Variants in SLC16A14 observed in about 807,000 individuals in gnomAD.
SLC16A14 encodes the protein monocarboxylate transporter 14.
In SLC16A14, 14 loss-of-function variants were observed where a neutral mutation model predicts 35.8. That is an observed-to-expected ratio of 0.39 (90% CI 0.26 to 0.61). The LOEUF is 0.61. Among genes scored for constraint, SLC16A14 ranks in the 20% least tolerant of loss-of-function variants. The pLI is 0.51. For missense variants in SLC16A14, 533 were observed against 655.0 expected (o/e 0.81, Z 2.03); for synonymous variants, 248 against 258.9 (o/e 0.96, Z 0.40).
intron 3 of SLC16A14, among the ~76,000 whole-genome samples, chr2:230,049,236 A>ATTTTTTTT (rs11420320): frequency 2.8e-5 from 4 of 141,538 alleles, no homozygotes; most frequent in Non-Finnish European, 3.0e-5. Context: ...CACTTGGCTA[A>ATTTTTTTT]TTTTTTTTTT....
At chr2:230,060,965 GGTT>G (rs1035009644) in intron 1 of SLC16A14, among the ~76,000 whole-genome samples, 1 of 152,146 alleles carries the variant, frequency 6.6e-6, no homozygotes, top group Non-Finnish European at 1.5e-5. Flanking sequence ...GGAGGGCAGA[GGTT>G]GTGTAGGAGA....
chr2:230,062,353 T>G (rs925407046), intron 1 of SLC16A14, among the ~76,000 whole-genome samples: 4 of 149,554 alleles, frequency 2.7e-5, no homozygotes, highest in African/African-American at 7.3e-5. Flanking sequence ...TTTACCTTTT[T>G]TTTTTTTTTT....
chr2:230,037,308 A>G lies in SLC16A14; in HGVS notation c.*72T>C. 2.1e-6 allele frequency: 3 copies of G among 1,419,560 alleles called. No homozygotes were observed. Among genetic ancestry groups the G allele is most frequent in the Non-Finnish European group, 2.8e-6 (3 of 1,059,966 alleles). 87.9% of individuals were successfully genotyped at this position (1,419,560 alleles called of 1,614,324 possible). A position where few individuals can be genotyped will look rare whatever the true frequency, so the allele number is the denominator to read the frequency against. ...AAAATGCTTTCCCACGTCCTGTCAT[A>G]GGTGCCTCACAGCAACCATGCGAGG... is the stretch of plus-strand genomic sequence containing the variant. On this transcript the variant is annotated 3_prime_UTR_variant, in exon 5 of 5. Coordinates refer to ENST00000295190, the MANE Select transcript of SLC16A14 (RefSeq NM_152527.5).
Position 230,046,502 on chromosome 2 carries a change from G to C in SLC16A14, c.624C>G (p.Leu208=), listed in dbSNP as rs2077608594. Residue 208 remains leucine, a synonymous_variant, in exon 4 of 5, where the codon CTC becomes CTG. Coordinates refer to ENST00000295190, the MANE Select transcript of SLC16A14 (RefSeq NM_152527.5). The surrounding 1 kb of genome is among the most constrained non-coding windows in gnomAD (Gnocchi z 5.0). ...TTTTACCAGGAGAGAGGGGCCTCAT[G>C]AGCGCCCCACAAACACACAGGTTTA... ...VSLNLCVCGA[L]MRPLSPGKNP... The C allele has an allele frequency of 6.2e-7, 1 of 1,614,020 alleles. No individual in the cohort carries two copies. The highest frequency in any genetic ancestry group is 1.1e-5 in the South Asian group (1 of 91,066).
chr2:230,066,873 C>T (rs1244426750), intron 1 of SLC16A14: 5 of 235,652 alleles, frequency 2.1e-5, no homozygotes, highest in Non-Finnish European at 8.6e-6. Context: ...ATGATCCACC[C>T]GCCTCGGCCT....
intron 3 of SLC16A14, among the ~76,000 whole-genome samples, chr2:230,049,467 T>G (rs895054941): frequency 3.3e-5 from 5 of 152,198 alleles, no homozygotes; most frequent in Non-Finnish European, 7.4e-5. Context: ...TGCCTTCCTT[T>G]TCCTATTCCT....
rs1459681609 is a variant in SLC16A14 at position 230,068,473 on chromosome 2, G to C, written c.-15+82C>G. On this transcript the variant is annotated intron_variant, in intron 1 of 4. Transcript: ENST00000295190. This position sits in a 1 kb window ranked among gnomAD's most constrained non-coding sequence, Gnocchi z 5.1. ...TCCCGGGGGTCCCTGGGGGTGCAGCGGCCATCTGAAACCTAGGCTCCGATG... is the reference window on the plus strand; with the variant it reads ...TCCCGGGGGTCCCTGGGGGTGCAGCCGCCATCTGAAACCTAGGCTCCGATG... The C allele has an allele frequency of 1.3e-5, 2 of 152,708 alleles. No individual in the cohort carries two copies. Among genetic ancestry groups the C allele is most frequent in the Non-Finnish European group, 2.9e-5 (2 of 68,180 alleles). 9.5% of individuals were successfully genotyped at this position (152,708 alleles called of 1,614,324 possible).
intron 2 of SLC16A14, among the ~76,000 whole-genome samples, chr2:230,056,879 TAAAAAAAAAAAAA>T: frequency 1.0e-5 from 1 of 95,498 alleles, no homozygotes; most frequent in Middle Eastern, 5.2e-3. Flanking sequence ...CTACAAAAAG[TAAAAAAAAAAAAA>T]AAAAAAAAAA....
At chr2:230,053,696 G>A (rs142304115) in intron 2 of SLC16A14, among the ~76,000 whole-genome samples, 5 of 152,238 alleles carry the variant, frequency 3.3e-5, no homozygotes, top group East Asian at 1.9e-4. Context: ...CAGGAGAATC[G>A]CTTGAACCTG....
At chr2:230,049,268 C>T (rs2077637114) in intron 3 of SLC16A14, among the ~76,000 whole-genome samples, 1 of 146,716 alleles carries the variant, frequency 6.8e-6, no homozygotes, top group Admixed American at 6.9e-5. Flanking sequence ...TCAGTAGAGA[C>T]GGGGTTTCAC....
At chr2:230,052,934 C>CTCTTTCCCTTTCTT (rs2077674269) in intron 2 of SLC16A14, among the ~76,000 whole-genome samples, 1 of 102,666 alleles carries the variant, frequency 9.7e-6, no homozygotes, top group Non-Finnish European at 2.2e-5. Flanking sequence ...CTTTCTTTCT[C>CTCTTTCCCTTTCTT]TCTCTCTTTC....
rs1286671083 is a variant in SLC16A14 at position 230,036,006 on chromosome 2, G to A, written c.*1374C>T. 6.6e-6 allele frequency: 1 copy of A among 152,578 alleles called. No homozygotes were observed. The highest frequency in any genetic ancestry group is 2.4e-5 in the African/African-American group (1 of 41,438). The allele number at this position is 152,578 out of a possible 1,614,324, so 9.5% of individuals were successfully genotyped here. On this transcript the variant is annotated 3_prime_UTR_variant, in exon 5 of 5. Transcript: ENST00000295190. ...CTAATTGTGAAGGATAATTGAGAATGGGCTGTATTCACTTTAGGTAAATTT... is the reference window on the plus strand; with the variant it reads ...CTAATTGTGAAGGATAATTGAGAATAGGCTGTATTCACTTTAGGTAAATTT...
chr2:230,063,404 C>T (rs76967594), intron 1 of SLC16A14, among the ~76,000 whole-genome samples: 5,099 of 152,038 alleles, frequency 0.034, 281 homozygotes, highest in African/African-American at 0.11. Flanking sequence ...TCTCCTTCCC[C>T]TCCTCTCTCC....
At chr2:230,059,546 G>GT (rs2077734797) in intron 1 of SLC16A14, among the ~76,000 whole-genome samples, 180 bp from the exon 2 acceptor site, 1 of 152,152 alleles carries the variant, frequency 6.6e-6, no homozygotes, top group African/African-American at 2.4e-5. Flanking sequence ...CCAGGAGCAA[G>GT]TGCTTCTATG....
intron 1 of SLC16A14, among the ~76,000 whole-genome samples, chr2:230,064,982 C>T (rs981190557): frequency 7.9e-5 from 12 of 152,202 alleles, no homozygotes; most frequent in Non-Finnish European, 1.5e-4. Flanking sequence ...TGCACTCCAG[C>T]CTGGGCAACA....
chr2:230,035,850 A>C lies in SLC16A14; in HGVS notation c.*1530T>G, dbSNP rs1289878199. 1 of 152,308 alleles carries C rather than the reference A, an allele frequency of 6.6e-6. No homozygotes were observed. The highest frequency in any genetic ancestry group is 1.5e-5 in the Non-Finnish European group (1 of 68,036). 9.4% of individuals were successfully genotyped at this position (152,308 alleles called of 1,614,324 possible). A position where few individuals can be genotyped will look rare whatever the true frequency, so the allele number is the denominator to read the frequency against. On this transcript the variant is annotated 3_prime_UTR_variant, in exon 5 of 5. Coordinates refer to ENST00000295190, the MANE Select transcript of SLC16A14 (RefSeq NM_152527.5). ...GCAGGAAATAATGGAGATGGAACAA[A>C]AAGAGAACTTGTCCATTGAATCACT...
In SLC16A14 at chr2:230,049,780, A is replaced by G. The variant is rs1357988747; in HGVS notation, c.384T>C (p.Ile128=). The change falls in exon 3 of 5, where the codon ATT becomes ATC. Residue 128 remains isoleucine (I), a synonymous_variant. Transcript: ENST00000295190. The part of the protein sequence containing the change: ...AYAANVHYLF[I]TFGVAAGLGS... ...GCTTACCAGCTGCGACTCCAAAAGTAATGAAGAGATAATGCACGTTTGCAG... is the reference window on the plus strand; with the variant it reads ...GCTTACCAGCTGCGACTCCAAAAGTGATGAAGAGATAATGCACGTTTGCAG... 2 of 1,613,926 alleles carry G rather than the reference A, an allele frequency of 1.2e-6. No homozygotes were observed. The highest frequency in any genetic ancestry group is 1.3e-5 in the African/African-American group (1 of 74,928).
intron 3 of SLC16A14, among the ~76,000 whole-genome samples, chr2:230,047,312 T>C (rs1207122621): frequency 1.4e-5 from 2 of 146,460 alleles, no homozygotes; most frequent in African/African-American, 5.0e-5. Flanking sequence ...GACTTCTTTT[T>C]TTTTTTTTTT....
intron 2 of SLC16A14, 91 bp downstream of exon 2, chr2:230,059,003 C>T (rs1231199080): frequency 4.4e-5 from 66 of 1,491,764 alleles, no homozygotes; most frequent in Non-Finnish European, 5.7e-5. Flanking sequence ...CATCCAATAT[C>T]GAATGTTACA....
Sources: allele counts gnomAD v4.1 joint callset (sites outside exome capture counted in the v4.1 genomes callset), GRCh38; gene constraint gnomAD v4.1.1; non-coding constraint Gnocchi (gnomAD v3.1); transcripts MANE v1.5; gene names NCBI Gene and HGNC (gene_info 2026-07-23, HGNC 2026-07-21).